Variants in STXBP5L observed in about 807,000 individuals in gnomAD.
The protein encoded by STXBP5L is syntaxin binding protein 5L.
A neutral mutation model predicts 144.5 loss-of-function variants in STXBP5L; 65 were observed. The ratio of observed to expected loss-of-function variants is 0.45; its 90% CI spans 0.37 to 0.55. STXBP5L has a LOEUF of 0.55. Among genes scored for constraint, STXBP5L ranks in the 20% least tolerant of loss-of-function variants. The pLI is 0.00. For missense variants in STXBP5L, 1,298 were observed against 1,405.5 expected, an observed-to-expected ratio of 0.92 and a Z score of 1.22; for synonymous variants, 505 against 469.6, an observed-to-expected ratio of 1.08 and a Z score of -0.97.
rs1944543693 is a variant in STXBP5L at position 121,008,754 on chromosome 3, T to C, written c.288-32946T>C. On this transcript the variant is annotated intron_variant, in intron 3 of 26. Coordinates refer to ENST00000471454, the MANE Select transcript of STXBP5L (RefSeq NM_001308330.2). ...TTATTTCATCTCCTTCATTGTCAAC[T>C]GGGTCCTTTGGTTTGAGGCAATTTT... 2.0e-5 allele frequency among the ~76,000 whole-genome samples: 3 copies of C among 152,024 alleles called. No homozygotes were observed. In the South Asian group the frequency reaches 6.2e-4, roughly 31 times the overall value.
At chr3:121,328,247 G>T (rs2044212563) in intron 20 of STXBP5L, among the ~76,000 whole-genome samples, 1 of 152,070 alleles carries the variant, frequency 6.6e-6, no homozygotes, top group African/African-American at 2.4e-5. Flanking sequence ...AGCTAACATT[G>T]AATGCTTGCC....
intron 20 of STXBP5L, among the ~76,000 whole-genome samples, chr3:121,353,343 A>T (rs1181115926): frequency 2.0e-5 from 3 of 152,214 alleles, no homozygotes; most frequent in Admixed American, 6.5e-5. Context: ...GCTATTAATT[A>T]TCACATCAGT....
chr3:120,940,592 A>G (rs529851642), intron 2 of STXBP5L, among the ~76,000 whole-genome samples: 1 of 151,768 alleles, frequency 6.6e-6, no homozygotes, highest in East Asian at 1.9e-4. Context: ...TATATAAGCC[A>G]GATGGTAAAA....
intron 3 of STXBP5L, among the ~76,000 whole-genome samples, chr3:120,990,383 C>G (rs1009069091): frequency 3.3e-5 from 5 of 152,092 alleles, no homozygotes; most frequent in East Asian, 1.9e-4. Flanking sequence ...CCATACTGCC[C>G]AAGGTAATTT....
intron 20 of STXBP5L, among the ~76,000 whole-genome samples, chr3:121,345,924 GTTC>G (rs1406322045): frequency 6.6e-6 from 1 of 151,700 alleles, no homozygotes; most frequent in Admixed American, 6.6e-5. Flanking sequence ...TTTAGTCTTT[GTTC>G]TTCTAGTTTT....
intron 9 of STXBP5L, among the ~76,000 whole-genome samples, chr3:121,190,586 G>A (rs1365647173): frequency 6.6e-6 from 1 of 152,330 alleles, no homozygotes; most frequent in South Asian, 2.1e-4. Context: ...CCCAGATGGG[G>A]TGGCGGCCGG....
At chr3:121,291,405 A>G (rs2051434102) in intron 19 of STXBP5L, among the ~76,000 whole-genome samples, 1 of 152,176 alleles carries the variant, frequency 6.6e-6, no homozygotes, top group Admixed American at 6.5e-5. Context: ...TAAATAATGG[A>G]CAACACAAAC....
intron 3 of STXBP5L, among the ~76,000 whole-genome samples, chr3:120,983,168 G>A (rs1316672643): frequency 1.3e-5 from 2 of 152,324 alleles, no homozygotes; most frequent in South Asian, 4.1e-4. Context: ...GGTGGCAGAG[G>A]CAGCAGGGAT....
chr3:120,955,218 G>C, intron 3 of STXBP5L, among the ~76,000 whole-genome samples, 181 bp downstream of exon 3: 1 of 151,998 alleles, frequency 6.6e-6, no homozygotes, highest in East Asian at 1.9e-4. Context: ...TTTGAGATCA[G>C]TATTGATGTC....
At chr3:121,246,302 C>T (rs936210375) in intron 14 of STXBP5L, among the ~76,000 whole-genome samples, 10 of 152,214 alleles carry the variant, frequency 6.6e-5, no homozygotes, top group African/African-American at 2.4e-4. Context: ...CCGAATCCAT[C>T]TCTCACCACC....
intron 3 of STXBP5L, among the ~76,000 whole-genome samples, chr3:121,019,521 C>T (rs1416559870): frequency 6.6e-6 from 1 of 152,204 alleles, no homozygotes; most frequent in African/African-American, 2.4e-5. Flanking sequence ...GTCCACTTCA[C>T]TCCCCTGCCA....
chr3:120,971,505 A>G lies in STXBP5L; in HGVS notation c.287+16468A>G, dbSNP rs542386202. ...GGTTAGTGAGAACATGTGGTTTTTGACTTTCTATTTCTTTCTATTTCTGAG... is the reference window on the plus strand; with the variant it reads ...GGTTAGTGAGAACATGTGGTTTTTGGCTTTCTATTTCTTTCTATTTCTGAG... On this transcript the variant is annotated intron_variant, in intron 3 of 26. Transcript: ENST00000471454. Among the ~76,000 whole-genome samples the G allele has an allele frequency of 2.2e-4, 33 of 151,482 alleles. No homozygotes were observed. In the South Asian group the frequency reaches 6.1e-3, roughly 28 times the overall value.
At chr3:121,373,749 G>A (rs1419598400) in intron 20 of STXBP5L, among the ~76,000 whole-genome samples, 1 of 152,136 alleles carries the variant, frequency 6.6e-6, no homozygotes, top group Admixed American at 6.5e-5. Flanking sequence ...CAGAGGCCTA[G>A]GGATTGGGCC....
intron 20 of STXBP5L, among the ~76,000 whole-genome samples, chr3:121,320,866 A>AT (rs547107420): frequency 6.6e-6 from 1 of 151,798 alleles, no homozygotes; most frequent in Non-Finnish European, 1.5e-5. Flanking sequence ...CACCCAGCTG[A>AT]TTTTTTGTAT....
intron 3 of STXBP5L, among the ~76,000 whole-genome samples, chr3:120,959,284 C>A (rs1044082634): frequency 2.6e-5 from 4 of 152,200 alleles, no homozygotes; most frequent in African/African-American, 2.4e-5. Context: ...ATTCCATGCT[C>A]ATGGTTAGGA....
At chr3:120,988,909 A>T (rs994697991) in intron 3 of STXBP5L, among the ~76,000 whole-genome samples, 2 of 152,102 alleles carry the variant, frequency 1.3e-5, no homozygotes, top group African/African-American at 4.8e-5. Context: ...AAGTGAGAAC[A>T]TGTGATATTT....
intron 4 of STXBP5L, among the ~76,000 whole-genome samples, chr3:121,042,826 C>A (rs1278406843): frequency 6.6e-6 from 1 of 151,756 alleles, no homozygotes; most frequent in Non-Finnish European, 1.5e-5. Context: ...GGCACACTTG[C>A]TATGGGGTAC....
chr3:121,387,150 G>A (rs1162926136), intron 22 of STXBP5L, among the ~76,000 whole-genome samples: 1 of 152,162 alleles, frequency 6.6e-6, no homozygotes, highest in Non-Finnish European at 1.5e-5. Flanking sequence ...TTTCTCTCAT[G>A]ACCAGTGATG....
chr3:121,233,723 C>A, intron 12 of STXBP5L, 35 bp downstream of exon 12: 1 of 1,445,420 alleles, frequency 6.9e-7, no homozygotes, highest in South Asian at 1.3e-5. Context: ...CACTTTTAAA[C>A]TCTATTTATT....
Sources: gnomAD v4.1 joint callset for allele counts (sites outside exome capture counted in the v4.1 genomes callset) on GRCh38, gnomAD v4.1.1 for gene constraint, MANE v1.5 for transcripts, NCBI Gene and HGNC (gene_info 2026-07-23, HGNC 2026-07-21) for gene names.